Variants in NRXN3 observed in about 807,000 individuals in gnomAD.
The protein encoded by NRXN3 is neurexin 3, also known as neurexin III.
A neutral mutation model predicts 137.6 loss-of-function variants in NRXN3; 32 were observed. The ratio of observed to expected loss-of-function variants is 0.23; its 90% CI spans 0.18 to 0.31. The LOEUF is 0.31. Among genes scored for constraint, NRXN3 ranks in the 10% least tolerant of loss-of-function variants. The pLI is 1.00. For missense variants in NRXN3, 1,574 were observed against 2,062.5 expected (o/e 0.76, Z 4.59); for synonymous variants, 798 against 784.5 (o/e 1.02, Z -0.29).
At chr14:78,676,565 T>A (rs1301598656) in intron 6 of NRXN3, among the ~76,000 whole-genome samples, 3 of 152,090 alleles carry the variant, frequency 2.0e-5, no homozygotes, top group Non-Finnish European at 4.4e-5. Flanking sequence ...CTCCATAACA[T>A]AATAGTGCAA....
intron 4 of NRXN3, among the ~76,000 whole-genome samples, chr14:78,355,142 A>G (rs146781862): frequency 7.4e-4 from 112 of 152,332 alleles, no homozygotes; most frequent in African/African-American, 2.6e-3. Flanking sequence ...CATGTCCTTA[A>G]CTAAATTCAT....
In NRXN3 at chr14:79,607,173, G is replaced by A. The variant is rs954288684; in HGVS notation, c.3445-56605G>A. 2.6e-5 allele frequency among the ~76,000 whole-genome samples: 4 copies of A among 152,292 alleles called. No homozygotes were observed. The East Asian group carries it at 7.7e-4, about 29-fold the overall frequency. On this transcript the variant is annotated intron_variant, in intron 16 of 20. Coordinates refer to ENST00000335750, the MANE Select transcript of NRXN3 (RefSeq NM_001330195.2). ...TTGGAAAACTGTCTATGTAGGTAAT[G>A]GACACAATAGAATTTAGAAAGCAAC...
intron 15 of NRXN3, among the ~76,000 whole-genome samples, chr14:79,210,476 C>T (rs1010497586): frequency 2.0e-5 from 3 of 152,270 alleles, no homozygotes; most frequent in African/African-American, 7.2e-5. Context: ...TGAGCATCAG[C>T]GAGGATCTGT....
intron 2 of NRXN3, among the ~76,000 whole-genome samples, chr14:78,274,789 C>A (rs1235146626): frequency 6.6e-6 from 1 of 152,114 alleles, no homozygotes; most frequent in African/African-American, 2.4e-5. Context: ...TCTTTCTTTC[C>A]TGTTTTGTTC....
chr14:79,132,014 G>A (rs1389949861), intron 15 of NRXN3, among the ~76,000 whole-genome samples: 1 of 152,252 alleles, frequency 6.6e-6, no homozygotes, highest in Non-Finnish European at 1.5e-5. Flanking sequence ...CCCGAGTGAG[G>A]CAATGCCTCG....
At chr14:78,495,291 A>G (rs2095758007) in intron 4 of NRXN3, among the ~76,000 whole-genome samples, 2 of 152,004 alleles carry the variant, frequency 1.3e-5, no homozygotes, top group Admixed American at 1.3e-4. Context: ...GATCTTAGGA[A>G]GTGAAGTACA....
At chr14:78,218,866 A>G (rs2063551797) in intron 1 of NRXN3, among the ~76,000 whole-genome samples, 1 of 152,200 alleles carries the variant, frequency 6.6e-6, no homozygotes, top group South Asian at 2.1e-4. Context: ...GGTGGCTTAA[A>G]CAGCTGAAGT....
At chr14:78,227,346 T>C (rs774375611) in intron 1 of NRXN3, among the ~76,000 whole-genome samples, 7 of 150,972 alleles carry the variant, frequency 4.6e-5, no homozygotes, top group Non-Finnish European at 1.0e-4. Context: ...TAGATGGGAG[T>C]TGAAAAAAAA....
chr14:79,025,107 C>T (rs958223726), intron 15 of NRXN3, among the ~76,000 whole-genome samples: 29 of 152,126 alleles, frequency 1.9e-4, no homozygotes, highest in African/African-American at 6.5e-4. Context: ...TCATTTTTCT[C>T]CCTAAGTCCT....
chr14:79,431,391 G>C (rs2095751847), intron 15 of NRXN3, among the ~76,000 whole-genome samples: 1 of 152,154 alleles, frequency 6.6e-6, no homozygotes, highest in African/African-American at 2.4e-5. Context: ...ATAGTATAGA[G>C]AGTATATTAA....
chr14:78,856,575 C>T (rs1215643590), intron 10 of NRXN3, among the ~76,000 whole-genome samples: 1 of 151,590 alleles, frequency 6.6e-6, no homozygotes, highest in Non-Finnish European at 1.5e-5. Flanking sequence ...TACGTTTTTC[C>T]AGAGGATGAA....
intron 4 of NRXN3, among the ~76,000 whole-genome samples, chr14:78,399,962 C>T (rs2091894139): frequency 6.6e-6 from 1 of 152,214 alleles, no homozygotes; most frequent in Non-Finnish European, 1.5e-5. Context: ...AATTTTCTCA[C>T]ATCATTTATC....
chr14:79,767,672 A>G (rs1403437534), intron 19 of NRXN3, among the ~76,000 whole-genome samples: 1 of 152,230 alleles, frequency 6.6e-6, no homozygotes. Flanking sequence ...AACAGTCCCT[A>G]TTAAATGGAT....
At chr14:79,557,811 T>A (rs778012482) in intron 16 of NRXN3, among the ~76,000 whole-genome samples, 5 of 152,116 alleles carry the variant, frequency 3.3e-5, no homozygotes, top group Admixed American at 6.6e-5. Flanking sequence ...TAAAGTTTGG[T>A]GCATCAACTG....
intron 19 of NRXN3, among the ~76,000 whole-genome samples, chr14:79,698,441 C>A (rs2098742938): frequency 6.6e-6 from 1 of 151,902 alleles, no homozygotes; most frequent in South Asian, 2.1e-4. Flanking sequence ...AAAATGCAGT[C>A]TTTATGTTTG....
chr14:79,294,006 A>G (rs926171759), intron 15 of NRXN3, among the ~76,000 whole-genome samples: 2 of 152,214 alleles, frequency 1.3e-5, no homozygotes, highest in Admixed American at 6.5e-5. Context: ...GGAGAGTTTT[A>G]AGGATCATCA....
At chr14:78,782,616 T>A (rs2098773993) in intron 8 of NRXN3, among the ~76,000 whole-genome samples, 1 of 152,210 alleles carries the variant, frequency 6.6e-6, no homozygotes, top group Non-Finnish European at 1.5e-5. Context: ...CTTCATAAAG[T>A]CAGGTGCGTT....
intron 16 of NRXN3, among the ~76,000 whole-genome samples, chr14:79,518,037 C>A (rs2097015257): frequency 6.6e-6 from 1 of 150,588 alleles, no homozygotes. Context: ...TGCTGAGTAG[C>A]TGGGATTACA....
chr14:78,186,698 C>A (rs750904024), intron 1 of NRXN3, among the ~76,000 whole-genome samples: 1 of 152,136 alleles, frequency 6.6e-6, no homozygotes, highest in Non-Finnish European at 1.5e-5. Context: ...CAAAAGAGGG[C>A]TTTTCTGACT....
Sources: gnomAD v4.1 joint callset for allele counts (sites outside exome capture counted in the v4.1 genomes callset) on GRCh38, gnomAD v4.1.1 for gene constraint, MANE v1.5 for transcripts, NCBI Gene and HGNC (gene_info 2026-07-23, HGNC 2026-07-21) for gene names.